The following ALG14 variants were observed in gnomAD, a reference collection of about 807,000 sequenced individuals.
ALG14 encodes UDP-N-acetylglucosamine transferase subunit ALG14.
ALG14 carries 17 observed loss-of-function variants against 22.8 expected under a neutral mutation model. That is an observed-to-expected ratio of 0.75 (90% CI 0.51 to 1.12). ALG14 has a LOEUF of 1.12. ALG14 is among the 50% of genes most tolerant of loss of function. ALG14 has a pLI of 0.00. For synonymous variants in ALG14, 89 were observed against 103.7 expected (o/e 0.86, Z 0.86); for missense variants, 288 against 271.8 (o/e 1.06, Z -0.42).
At chr1:95,066,422 CCACATTAGTCAGACTGGTCTTGAACT>C (rs1164612071) in intron 1 of ALG14, among the ~76,000 whole-genome samples, 2 of 152,130 alleles carry the variant, frequency 1.3e-5, no homozygotes, top group Non-Finnish European at 2.9e-5. Flanking sequence ...CAGAGTTTCA[CCACATTAGTCAGACTGGTCTTGAACT>C]CCTGACCTCA....
intron 1 of ALG14, 147 bp downstream of exon 1, chr1:95,072,616 T>G (rs1675603336): frequency 2.5e-6 from 3 of 1,209,288 alleles, no homozygotes; most frequent in Admixed American, 2.4e-5. Flanking sequence ...CTGGCTGGAC[T>G]GCCCGGTTCC....
chr1:95,031,330 G>C (rs962249214), intron 2 of ALG14, among the ~76,000 whole-genome samples: 2 of 152,170 alleles, frequency 1.3e-5, no homozygotes, highest in African/African-American at 2.4e-5. Flanking sequence ...ATCAAAGTCA[G>C]GGATGAAAGT....
At chr1:95,017,199 T>G (rs956626313) in intron 3 of ALG14, among the ~76,000 whole-genome samples, 4 of 152,050 alleles carry the variant, frequency 2.6e-5, no homozygotes, top group African/African-American at 9.7e-5. Context: ...CAAAAGGCAT[T>G]GAGAAAGACC....
chr1:95,069,588 T>TAG (rs34374146), intron 1 of ALG14, among the ~76,000 whole-genome samples: 28,048 of 152,118 alleles, frequency 0.18, 2,966 homozygotes, highest in African/African-American at 0.29. Context: ...ACATTGGAGA[T>TAG]AGAGGCCTTT....
chr1:95,004,688 A>G (rs1445254433), intron 3 of ALG14, among the ~76,000 whole-genome samples: 2 of 150,612 alleles, frequency 1.3e-5, no homozygotes, highest in Admixed American at 6.6e-5. Flanking sequence ...TTTTTAGTAG[A>G]GATGGGGTTT....
rs1672372869 is a variant in ALG14 at position 94,975,301 on chromosome 1, A to G, written c.*7775T>C. ...ACTTAGCCTACTGTTTACAAGGTTC[A>G]TCCACACTGTAGCATGTATTAGTAC... On this transcript the variant is annotated 3_prime_UTR_variant, in exon 4 of 4. Transcript: ENST00000370205. The G allele has an allele frequency of 6.6e-6, 1 of 152,252 alleles. No individual in the cohort carries two copies. The highest frequency in any genetic ancestry group is 2.4e-5 in the African/African-American group (1 of 41,458). The allele number at this position is 152,252 out of a possible 1,614,324, so 9.4% of individuals were successfully genotyped here.
intron 3 of ALG14, among the ~76,000 whole-genome samples, chr1:95,010,775 A>G (rs1346019108): frequency 6.6e-6 from 1 of 152,212 alleles, no homozygotes; most frequent in African/African-American, 2.4e-5. Context: ...CACAAAAATG[A>G]ATTAGTTCCT....
intron 3 of ALG14, among the ~76,000 whole-genome samples, chr1:94,999,343 ATTTTTTTTTTTTT>A (rs548389921): frequency 1.8e-5 from 2 of 108,776 alleles, no homozygotes; most frequent in East Asian, 2.8e-4. Flanking sequence ...CAGTAGACCC[ATTTTTTTTTTTTT>A]TTTTTTTTTT....
In ALG14 at chr1:95,072,790, G is replaced by A. The variant is rs1212603713; in HGVS notation, c.109C>T (p.Leu37Phe). 5 of 1,614,188 alleles carry A rather than the reference G, an allele frequency of 3.1e-6. No individual in the cohort carries two copies. The highest frequency in any genetic ancestry group is 1.7e-5 in the Admixed American group (1 of 60,028). Residue 37 changes from leucine (L) to phenylalanine (F), a missense_variant, in exon 1 of 4, where the codon CTC (leucine) becomes TTC (phenylalanine). Transcript: ENST00000370205. ...GACCCAGCCACTACCAAGATACTGA[G>A]AGACTCCCGGGGCGTAACGTCCATG... ...RSMDVTPRESLSILVVAGSGG... is the reference protein window; with the variant it reads ...RSMDVTPRESFSILVVAGSGG...
In ALG14 at chr1:94,983,250, A is replaced by T; in HGVS notation, c.477T>A (p.Leu159=). 1 of 1,614,182 alleles carries T rather than the reference A, an allele frequency of 6.2e-7. No individual in the cohort carries two copies. The highest frequency in any genetic ancestry group is 8.5e-7 in the Non-Finnish European group (1 of 1,180,018). Residue 159 remains leucine (L), a synonymous_variant, in exon 4 of 4, where the codon CTT becomes CTA. Coordinates refer to ENST00000370205, the MANE Select transcript of ALG14 (RefSeq NM_144988.4). ...CVPICVSALL[L]GILGIKKVII... Reference sequence around the variant, plus strand: ...TCACTTTCTTTATTCCTAGTATCCCAAGGAGAAGGGCAGATACACAGATAG... The same window carrying T: ...TCACTTTCTTTATTCCTAGTATCCCTAGGAGAAGGGCAGATACACAGATAG...
chr1:95,061,499 G>C (rs1275619023), intron 2 of ALG14: 1 of 151,982 alleles, frequency 6.6e-6, no homozygotes, highest in Non-Finnish European at 1.5e-5. Flanking sequence ...GAGAGAGAGA[G>C]AGTGTGCGTA....
At chr1:95,067,246 C>T (rs1369794150) in intron 1 of ALG14, 3 of 152,260 alleles carry the variant, frequency 2.0e-5, no homozygotes, top group Non-Finnish European at 2.9e-5. Flanking sequence ...TCTGCAAGGA[C>T]ATCTGCCCAG....
chr1:95,025,270 A>C lies in ALG14; in HGVS notation c.420+1859T>G, dbSNP rs113618223. On this transcript the variant is annotated intron_variant, in intron 3 of 3. Transcript: ENST00000370205. ...CAAGAGCAGTAATATTTTGAAAGGA[A>C]GCTTTGTCTCTTGAGTAGTAGGTCT... is the stretch of plus-strand genomic sequence containing the variant. 8.8e-3 allele frequency among the ~76,000 whole-genome samples: 1,342 copies of C among 152,332 alleles called. 14 individuals carry two copies. Among genetic ancestry groups the C allele is most frequent in the African/African-American group, 0.031 (1,274 of 41,578 alleles).
At chr1:95,047,370 T>A (rs1255982429) in intron 2 of ALG14, among the ~76,000 whole-genome samples, 1 of 152,004 alleles carries the variant, frequency 6.6e-6, no homozygotes, top group Non-Finnish European at 1.5e-5. Flanking sequence ...TTAGATGGAG[T>A]TTCGCTCTTG....
chr1:94,984,050 T>G (rs999005769), intron 3 of ALG14, among the ~76,000 whole-genome samples: 1 of 152,134 alleles, frequency 6.6e-6, no homozygotes, highest in Non-Finnish European at 1.5e-5. Flanking sequence ...AGCTGAATTT[T>G]TATAAGCCAT....
intron 2 of ALG14, among the ~76,000 whole-genome samples, chr1:95,040,620 G>A (rs1023476482): frequency 6.6e-6 from 1 of 152,060 alleles, no homozygotes; most frequent in Non-Finnish European, 1.5e-5. Context: ...AAGGACGTAG[G>A]GAATTCCAAA....
At chr1:95,033,193 T>G (rs1431059054) in intron 2 of ALG14, among the ~76,000 whole-genome samples, 1 of 152,028 alleles carries the variant, frequency 6.6e-6, no homozygotes, top group Non-Finnish European at 1.5e-5. Context: ...AAAAGATGCC[T>G]GCTCCATCAT....
chr1:95,064,284 C>A (rs60835116), intron 2 of ALG14, among the ~76,000 whole-genome samples: 2,592 of 152,232 alleles, frequency 0.017, 44 homozygotes, highest in African/African-American at 0.042. Flanking sequence ...CTTTCTCTTT[C>A]CTGATTGCCC....
intron 2 of ALG14, among the ~76,000 whole-genome samples, chr1:95,028,709 G>T (rs922665118): frequency 2.0e-5 from 3 of 152,018 alleles, no homozygotes; most frequent in Non-Finnish European, 4.4e-5. Flanking sequence ...TGAGGTAGGA[G>T]AATTGCTTGA....
Sources: gnomAD v4.1 joint callset for allele counts (sites outside exome capture counted in the v4.1 genomes callset) on GRCh38, gnomAD v4.1.1 for gene constraint, MANE v1.5 for transcripts, NCBI Gene and HGNC (gene_info 2026-07-23, HGNC 2026-07-21) for gene names.